Variants in DIAPH3 observed in about 807,000 individuals in gnomAD.
DIAPH3 encodes the protein diaphanous related formin 3.
In DIAPH3, 117 loss-of-function variants were observed where a neutral mutation model predicts 144.3. The ratio of observed to expected loss-of-function variants is 0.81; its 90% CI spans 0.70 to 0.95. The LOEUF (loss-of-function observed/expected upper bound fraction) is 0.95, where lower values mean the gene tolerates loss of function less well. Among genes scored for constraint, DIAPH3 ranks in the 40% least tolerant of loss-of-function variants. The pLI is 0.00. For missense variants in DIAPH3, 1,421 were observed against 1,412.7 expected (o/e 1.01, Z -0.09); for synonymous variants, 519 against 488.9 (o/e 1.06, Z -0.81).
chr13:59,894,924 A>C (rs375758111), intron 20 of DIAPH3, among the ~76,000 whole-genome samples: 3 of 152,158 alleles, frequency 2.0e-5, no homozygotes, highest in African/African-American at 7.2e-5. Flanking sequence ...CAAAACATAA[A>C]ACTTCAGTAA....
At chr13:60,066,794 T>A (rs2056985186) in intron 4 of DIAPH3, among the ~76,000 whole-genome samples, 1 of 152,228 alleles carries the variant, frequency 6.6e-6, no homozygotes, top group Admixed American at 6.5e-5. Flanking sequence ...ATATTTATTT[T>A]TTCCATCTTA....
At chr13:59,961,178 G>A (rs993192455) in intron 17 of DIAPH3, among the ~76,000 whole-genome samples, 1 of 152,176 alleles carries the variant, frequency 6.6e-6, no homozygotes, top group Non-Finnish European at 1.5e-5. Context: ...ATTCAGAGAT[G>A]ATACACAAAA....
chr13:59,979,714 T>C (rs186582779), intron 14 of DIAPH3, among the ~76,000 whole-genome samples: 2 of 151,786 alleles, frequency 1.3e-5, no homozygotes, highest in Non-Finnish European at 1.5e-5. Context: ...TATAGAAATG[T>C]GCAACTGCCT....
chr13:59,992,612 T>A, intron 9 of DIAPH3, 29 bp from the exon 10 acceptor site: 1 of 1,556,228 alleles, frequency 6.4e-7, no homozygotes, highest in South Asian at 1.1e-5. Context: ...TGAGACAGAC[T>A]GGGTTTCCAA....
At chr13:59,817,398 T>C (rs932810564) in intron 24 of DIAPH3, among the ~76,000 whole-genome samples, 13 of 151,746 alleles carry the variant, frequency 8.6e-5, no homozygotes, top group African/African-American at 3.1e-4. Flanking sequence ...CATTTTTAAA[T>C]TGTTGTATCT....
chr13:59,858,771 G>T (rs2043403515), intron 22 of DIAPH3, among the ~76,000 whole-genome samples: 2 of 152,078 alleles, frequency 1.3e-5, no homozygotes, highest in African/African-American at 4.8e-5. Context: ...ATGGTATACA[G>T]AAATACAATA....
intron 24 of DIAPH3, among the ~76,000 whole-genome samples, chr13:59,827,478 G>A (rs1010311465): frequency 2.5e-4 from 38 of 152,010 alleles, no homozygotes; most frequent in Admixed American, 2.2e-3. Context: ...GAGGATGAAA[G>A]CATTAGGAAG....
chr13:59,789,533 A>T (rs556212056), intron 25 of DIAPH3, among the ~76,000 whole-genome samples: 2 of 152,162 alleles, frequency 1.3e-5, no homozygotes, highest in South Asian at 4.1e-4. Context: ...AATAAGAATT[A>T]AAAAAAGAAG....
intron 15 of DIAPH3, 51 bp downstream of exon 15, chr13:59,974,301 G>A: frequency 7.7e-7 from 1 of 1,304,106 alleles, no homozygotes; most frequent in Non-Finnish European, 1.1e-6. Context: ...CATAACCTTT[G>A]CTCCCTCACT....
chr13:59,961,818 C>T (rs1258484037), intron 17 of DIAPH3, among the ~76,000 whole-genome samples: 2 of 152,104 alleles, frequency 1.3e-5, no homozygotes, highest in Non-Finnish European at 2.9e-5. Context: ...GATTCTTTCA[C>T]ATAAATGTTT....
chr13:59,896,176 T>C (rs982146835), intron 20 of DIAPH3, among the ~76,000 whole-genome samples: 2 of 152,204 alleles, frequency 1.3e-5, no homozygotes, highest in African/African-American at 4.8e-5. Flanking sequence ...AAGTAGTCTA[T>C]TCTATATGAG....
At chr13:60,077,657 T>C (rs1370982420) in intron 4 of DIAPH3, among the ~76,000 whole-genome samples, 5 of 152,146 alleles carry the variant, frequency 3.3e-5, no homozygotes, top group Middle Eastern at 3.2e-3. Context: ...CCTAAAGTGC[T>C]GCAAAATACC....
chr13:59,772,047 G>C (rs1388857556), intron 27 of DIAPH3, among the ~76,000 whole-genome samples: 1 of 151,916 alleles, frequency 6.6e-6, no homozygotes, highest in Non-Finnish European at 1.5e-5. Context: ...TCAATTTTAA[G>C]TATATAAAAG....
chr13:59,851,510 T>C (rs1478398569), intron 22 of DIAPH3, among the ~76,000 whole-genome samples: 1 of 152,210 alleles, frequency 6.6e-6, no homozygotes, highest in Non-Finnish European at 1.5e-5. Context: ...ATTGGCTTGG[T>C]TCTATATCTG....
chr13:59,750,696 A>G (rs1177977931), intron 27 of DIAPH3, among the ~76,000 whole-genome samples: 1 of 152,230 alleles, frequency 6.6e-6, no homozygotes, highest in Non-Finnish European at 1.5e-5. Flanking sequence ...AACCAAATGA[A>G]TATTTTTACC....
intron 17 of DIAPH3, among the ~76,000 whole-genome samples, chr13:59,951,274 T>C (rs1269210089): frequency 6.6e-6 from 1 of 152,074 alleles, no homozygotes; most frequent in African/African-American, 2.4e-5. Flanking sequence ...TAAAAGGCAT[T>C]TTCCCCACTT....
rs575716893 is a variant in DIAPH3 at position 59,701,253 on chromosome 13, C to CT, written c.3320-34408dup. Among the ~76,000 whole-genome samples, 19 of 152,236 alleles carry CT rather than the reference C, an allele frequency of 1.2e-4. No homozygotes were observed. In the South Asian group the frequency reaches 3.9e-3, roughly 32 times the overall value. ...AATATGATATAACAAAGATCTTGGCCTTTGACATTTTTGGTAATTTTGACT... is the reference window on the plus strand; with the variant it reads ...AATATGATATAACAAAGATCTTGGCCTTTTGACATTTTTGGTAATTTTGACT... On this transcript the variant is annotated intron_variant, in intron 27 of 27. Transcript: ENST00000400324.
At chr13:60,018,727 A>G (rs1209275800) in intron 5 of DIAPH3, among the ~76,000 whole-genome samples, 1 of 152,196 alleles carries the variant, frequency 6.6e-6, no homozygotes, top group Non-Finnish European at 1.5e-5. Flanking sequence ...CTCAACAACA[A>G]TAAAATGAGA....
chr13:59,753,490 A>C (rs1240928188), intron 27 of DIAPH3, among the ~76,000 whole-genome samples: 1 of 152,232 alleles, frequency 6.6e-6, no homozygotes, highest in Non-Finnish European at 1.5e-5. Context: ...AACATGTTTG[A>C]GCAGTAGCAG....
Sources: allele counts gnomAD v4.1 joint callset (sites outside exome capture counted in the v4.1 genomes callset), GRCh38; gene constraint gnomAD v4.1.1; transcripts MANE v1.5; gene names NCBI Gene and HGNC (gene_info 2026-07-23, HGNC 2026-07-21).